RBMS3: variants seen among roughly 807,000 people sequenced by gnomAD.
The protein encoded by RBMS3 is RNA binding motif single stranded interacting protein 3.
RBMS3 carries 27 observed loss-of-function variants against 66.8 expected under a neutral mutation model. The ratio of observed to expected loss-of-function variants is 0.40; its 90% CI spans 0.30 to 0.56. The LOEUF (loss-of-function observed/expected upper bound fraction) is 0.56. Among genes scored for constraint, RBMS3 ranks in the 20% least tolerant of loss-of-function variants. The pLI, the probability that RBMS3 is intolerant of heterozygous loss-of-function variation, is 0.40. For synonymous variants in RBMS3, 188 were observed against 183.0 expected (o/e 1.03, Z -0.22); for missense variants, 513 against 549.5 (o/e 0.93, Z 0.66).
At chr3:29,463,125 A>G (rs1202399437) in intron 2 of RBMS3, among the ~76,000 whole-genome samples, 3 of 152,222 alleles carry the variant, frequency 2.0e-5, no homozygotes, top group Non-Finnish European at 4.4e-5. Flanking sequence ...TCAGGCTTCC[A>G]TGACAAGGTG....
At chr3:29,825,837 G>A (rs980278403) in intron 6 of RBMS3, among the ~76,000 whole-genome samples, 1 of 152,102 alleles carries the variant, frequency 6.6e-6, no homozygotes, top group Non-Finnish European at 1.5e-5. Context: ...TCTAAGATTA[G>A]GCACTAATGT....
chr3:29,794,075 A>C (rs1225255538), intron 6 of RBMS3, among the ~76,000 whole-genome samples: 1 of 152,120 alleles, frequency 6.6e-6, no homozygotes, highest in East Asian at 1.9e-4. Context: ...TGAGGCCCTC[A>C]CCAGAAGCAG....
At position 29,752,770 on chromosome 3, in the gene RBMS3, T is replaced by C. The variant is rs1395020808; in HGVS notation, c.558-10140T>C. 2.0e-5 allele frequency among the ~76,000 whole-genome samples: 3 copies of C among 152,218 alleles called. No homozygotes were observed. In the South Asian group the frequency reaches 6.2e-4, roughly 32 times the overall value. Reference sequence around the variant, plus strand: ...TAGCTAGGCTATCCTAAATTTACAATCACAAAAACATGACTCTTAGGTGAA... The same window carrying C: ...TAGCTAGGCTATCCTAAATTTACAACCACAAAAACATGACTCTTAGGTGAA... On this transcript the variant is annotated intron_variant, in intron 5 of 14. Coordinates refer to ENST00000383767, the MANE Select transcript of RBMS3 (RefSeq NM_001003793.3).
Position 29,517,271 on chromosome 3 carries a change from ATGTGTG to A in RBMS3, c.307+28804_307+28809del, listed in dbSNP as rs58702096. Among the ~76,000 whole-genome samples, 1,220 of 129,544 alleles carry A rather than the reference ATGTGTG, an allele frequency of 9.4e-3. 7 individuals carry two copies. Among genetic ancestry groups the A allele is most frequent in the African/African-American group, 0.012 (421 of 35,104 alleles). 85.0% of individuals were successfully genotyped at this position (129,544 alleles called of 152,430 possible). A position where few individuals can be genotyped will look rare whatever the true frequency, so the allele number is the denominator to read the frequency against. ...CTGTGTATGTGAGGTGATTTCATAT[ATGTGTG>A]TGTGTGTGTGTGTGTGTGTGTGTGT... On this transcript the variant is annotated intron_variant, in intron 3 of 14. Coordinates refer to ENST00000383767, the MANE Select transcript of RBMS3 (RefSeq NM_001003793.3).
intron 12 of RBMS3, among the ~76,000 whole-genome samples, chr3:29,973,311 G>A (rs971023910): frequency 1.5e-4 from 23 of 152,066 alleles, no homozygotes; most frequent in African/African-American, 5.1e-4. Context: ...GTAACAATAC[G>A]AAAGATCCAA....
intron 3 of RBMS3, among the ~76,000 whole-genome samples, chr3:29,541,462 A>G (rs764449473): frequency 2.0e-5 from 3 of 152,064 alleles, no homozygotes; most frequent in African/African-American, 7.3e-5. Flanking sequence ...TTCCCACCAC[A>G]GTATAGCAAA....
chr3:29,683,100 T>C (rs1188184408), intron 4 of RBMS3, among the ~76,000 whole-genome samples: 2 of 152,074 alleles, frequency 1.3e-5, no homozygotes, highest in African/African-American at 2.4e-5. Context: ...AAATCAAGCT[T>C]TGCTTTCATT....
intron 2 of RBMS3, among the ~76,000 whole-genome samples, chr3:29,477,800 C>T (rs928542875): frequency 5.9e-5 from 9 of 152,132 alleles, no homozygotes; most frequent in African/African-American, 2.2e-4. Flanking sequence ...GGGTCTCACT[C>T]TGTCACCTAG....
intron 4 of RBMS3, among the ~76,000 whole-genome samples, chr3:29,733,590 G>T (rs28429233): frequency 0.14 from 21,423 of 151,876 alleles, 1,614 homozygotes; most frequent in Middle Eastern, 0.24. Flanking sequence ...TATCATTGTG[G>T]TTTTGATTTG....
chr3:29,506,383 TA>T (rs1202858618), intron 3 of RBMS3, among the ~76,000 whole-genome samples: 2 of 152,092 alleles, frequency 1.3e-5, no homozygotes, highest in Non-Finnish European at 2.9e-5. Context: ...ATCATATTTA[TA>T]GATTTATGTA....
intron 6 of RBMS3, among the ~76,000 whole-genome samples, chr3:29,834,697 G>T (rs890377795): frequency 3.9e-5 from 6 of 151,988 alleles, no homozygotes; most frequent in African/African-American, 1.4e-4. Context: ...GTTCACAAAG[G>T]AAGATAGCAA....
intron 4 of RBMS3, among the ~76,000 whole-genome samples, chr3:29,715,411 T>C (rs2053350587): frequency 6.6e-6 from 1 of 152,182 alleles, no homozygotes; most frequent in Admixed American, 6.6e-5. Context: ...TGCTCTTTTC[T>C]CTGTATATCA....
intron 10 of RBMS3, among the ~76,000 whole-genome samples, chr3:29,915,112 T>G (rs2060606354): frequency 6.6e-6 from 1 of 151,708 alleles, no homozygotes; most frequent in Non-Finnish European, 1.5e-5. Context: ...CCCTACACTA[T>G]TATCACTGGA....
chr3:29,359,430 T>C (rs976824682), intron 1 of RBMS3, among the ~76,000 whole-genome samples: 13 of 152,262 alleles, frequency 8.5e-5, no homozygotes, highest in East Asian at 1.9e-4. Flanking sequence ...TTTTGATGTG[T>C]TGCTGGATTC....
chr3:29,497,973 A>AT (rs779555263), intron 3 of RBMS3, among the ~76,000 whole-genome samples: 2,939 of 43,356 alleles, frequency 0.068, 1,183 homozygotes, highest in Non-Finnish European at 0.099. Flanking sequence ...AAAAGTATTC[A>AT]TTTTTTTTTT....
chr3:29,897,712 T>C (rs1390599294), intron 9 of RBMS3, among the ~76,000 whole-genome samples: 3 of 151,618 alleles, frequency 2.0e-5, no homozygotes, highest in Non-Finnish European at 3.0e-5. Context: ...TTTTCATGAT[T>C]ATGCTACTGT....
intron 4 of RBMS3, among the ~76,000 whole-genome samples, chr3:29,696,761 G>C (rs1371430998): frequency 6.6e-6 from 1 of 152,124 alleles, no homozygotes; most frequent in Non-Finnish European, 1.5e-5. Context: ...ATCGGGACAA[G>C]AGCACCTTAT....
intron 4 of RBMS3, among the ~76,000 whole-genome samples, chr3:29,634,461 C>T (rs2049400950): frequency 6.6e-6 from 1 of 151,780 alleles, no homozygotes. Flanking sequence ...GGAGCCTCTA[C>T]CTGCAAGCCT....
intron 2 of RBMS3, among the ~76,000 whole-genome samples, chr3:29,453,088 C>A (rs959762653): frequency 1.3e-5 from 2 of 152,040 alleles, no homozygotes; most frequent in African/African-American, 4.8e-5. Context: ...TCTTTGAATC[C>A]CCGCTGCTTC....
Sources: allele counts gnomAD v4.1 joint callset (sites outside exome capture counted in the v4.1 genomes callset), GRCh38; gene constraint gnomAD v4.1.1; transcripts MANE v1.5; gene names NCBI Gene and HGNC (gene_info 2026-07-23, HGNC 2026-07-21).